SF3B3: variants seen among roughly 807,000 people sequenced by gnomAD.
The protein encoded by SF3B3 is SAP 130.
In SF3B3, 33 loss-of-function variants were observed where a neutral mutation model predicts 139.2. The ratio of observed to expected loss-of-function variants is 0.24; its 90% CI spans 0.18 to 0.32. The LOEUF (loss-of-function observed/expected upper bound fraction) is 0.32. SF3B3 is among the 10% of genes least tolerant of loss of function. SF3B3 has a pLI of 1.00. For synonymous variants in SF3B3, 596 were observed against 563.6 expected (o/e 1.06, Z -0.81); for missense variants, 818 against 1,509.4 (o/e 0.54, Z 7.59).
At chr16:70,530,179 A>G (rs2050107561) in intron 3 of SF3B3, among the ~76,000 whole-genome samples, 1 of 148,940 alleles carries the variant, frequency 6.7e-6, no homozygotes, top group African/African-American at 2.5e-5. Flanking sequence ...AATAAGAGAG[A>G]GATGGGGATC....
intron 6 of SF3B3, among the ~76,000 whole-genome samples, chr16:70,537,741 A>G (rs2050181659): frequency 6.6e-6 from 1 of 152,338 alleles, no homozygotes; most frequent in South Asian, 2.1e-4. Context: ...CTTGCAGAGC[A>G]GAGCTTACTC....
intron 24 of SF3B3, 129 bp from the exon 25 acceptor site, chr16:70,570,966 A>G: frequency 2.8e-6 from 2 of 719,014 alleles, no homozygotes; most frequent in Admixed American, 4.1e-5. Flanking sequence ...TGATTATCAG[A>G]AAGTGATTAG....
chr16:70,526,492 T>A, intron 1 of SF3B3, 95 bp from the exon 2 acceptor site: 1 of 596,920 alleles, frequency 1.7e-6, no homozygotes, highest in Non-Finnish European at 3.0e-6. Context: ...GGGCTTGCTC[T>A]GCTGGTTCTG....
At chr16:70,554,371 A>G in intron 11 of SF3B3, 75 bp from the exon 12 acceptor site, 1 of 1,432,606 alleles carries the variant, frequency 7.0e-7, no homozygotes, top group Non-Finnish European at 9.7e-7. Flanking sequence ...TTCTGAAGAG[A>G]ACTCTTAGTG....
chr16:70,569,149 T>A lies in SF3B3; in HGVS notation c.3264+8T>A, dbSNP rs747599296. 1.2e-5 allele frequency: 19 copies of A among 1,593,198 alleles called. No homozygotes were observed. The highest frequency in any genetic ancestry group is 1.5e-5 in the Non-Finnish European group (18 of 1,164,758). ...AATGGGGCCTCCCAGAAGGTAAGAT[T>A]GCAGAATGGGCCCCAGGGAGAACAC... On this transcript the variant is annotated splice_region_variant and intron_variant, in intron 23 of 25. Coordinates refer to ENST00000302516, the MANE Select transcript of SF3B3 (RefSeq NM_012426.5).
At chr16:70,554,698 C>T (rs1252044383) in intron 12 of SF3B3, 101 bp downstream of exon 12, 7 of 1,233,212 alleles carry the variant, frequency 5.7e-6, no homozygotes, top group Non-Finnish European at 6.9e-6. Flanking sequence ...CCTCACCTTC[C>T]AGCAAGCCTT....
In SF3B3 at chr16:70,574,128, A is replaced by T. The variant is rs1174024229; in HGVS notation, c.*2315A>T. The T allele has an allele frequency of 6.6e-6, 1 of 152,132 alleles. No individual in the cohort carries two copies. Among genetic ancestry groups the T allele is most frequent in the Non-Finnish European group, 1.5e-5 (1 of 68,022 alleles). The allele number at this position is 152,132 out of a possible 1,614,324, so 9.4% of individuals were successfully genotyped here. On this transcript the variant is annotated 3_prime_UTR_variant, in exon 26 of 26. Transcript: ENST00000302516. Reference sequence around the variant, plus strand: ...AGAGGAAAGCCAGAAAGGCATTCAGATGGGATCAGTCTGGCTTTCAAATTT... The same window carrying T: ...AGAGGAAAGCCAGAAAGGCATTCAGTTGGGATCAGTCTGGCTTTCAAATTT...
chr16:70,565,772 C>T lies in SF3B3; in HGVS notation c.2826+248C>T, dbSNP rs1315609835. 13 of 427,676 alleles carry T rather than the reference C, an allele frequency of 3.0e-5. No homozygotes were observed. In the South Asian group the frequency reaches 4.1e-4, roughly 14 times the overall value. 26.5% of individuals were successfully genotyped at this position (427,676 alleles called of 1,614,324 possible). ...GCACATTCAATTGGTCTCTTTCTTA[C>T]TGTTTTAATAAGCAGGCAACAATTT... On this transcript the variant is annotated intron_variant, in intron 20 of 25. Coordinates refer to ENST00000302516, the MANE Select transcript of SF3B3 (RefSeq NM_012426.5).
Position 70,571,835 on chromosome 16 carries a change from T to C in SF3B3, c.*22T>C. ...CTGAGCCCTCCTTTCCCGGTGGGGC[T>C]TGCCAGAGACTGTGTGTTTTGTTTC... On this transcript the variant is annotated 3_prime_UTR_variant, in exon 26 of 26. Coordinates refer to ENST00000302516, the MANE Select transcript of SF3B3 (RefSeq NM_012426.5). 1 of 1,602,584 alleles carries C rather than the reference T, an allele frequency of 6.2e-7. No homozygotes were observed. Among genetic ancestry groups the C allele is most frequent in the Non-Finnish European group, 8.5e-7 (1 of 1,175,750 alleles).
At chr16:70,567,217 A>G (rs2050485220) in intron 20 of SF3B3, among the ~76,000 whole-genome samples, 194 bp from the exon 21 acceptor site, 1 of 152,210 alleles carries the variant, frequency 6.6e-6, no homozygotes, top group Non-Finnish European at 1.5e-5. Flanking sequence ...CAGTTACAGC[A>G]TTGATCCCTC....
intron 23 of SF3B3, among the ~76,000 whole-genome samples, chr16:70,569,410 C>G (rs2151795694): frequency 6.6e-6 from 1 of 152,266 alleles, no homozygotes; most frequent in Non-Finnish European, 1.5e-5. Context: ...TAGAGCATCT[C>G]TGGACTTTCG....
At chr16:70,524,143 A>C in intron 1 of SF3B3, 1 of 333,258 alleles carries the variant, frequency 3.0e-6, no homozygotes, top group Non-Finnish European at 5.4e-6. Flanking sequence ...TCTATCTCAA[A>C]ATAGGGCTCG....
intron 9 of SF3B3, among the ~76,000 whole-genome samples, chr16:70,543,855 T>A (rs1241230416): frequency 6.6e-6 from 1 of 152,042 alleles, no homozygotes; most frequent in Non-Finnish European, 1.5e-5. Flanking sequence ...TGTGTTTTTT[T>A]TTTTAATTTT....
chr16:70,531,677 A>G (rs2050122895), intron 4 of SF3B3, among the ~76,000 whole-genome samples: 2 of 152,244 alleles, frequency 1.3e-5, no homozygotes, highest in African/African-American at 4.8e-5. Flanking sequence ...CAACTATTTA[A>G]TAGTCTTTCT....
At chr16:70,555,001 G>C (rs371916635) in intron 12 of SF3B3, 50 bp from the exon 13 acceptor site, 323 of 1,574,018 alleles carry the variant, frequency 2.1e-4, no homozygotes, top group Admixed American at 5.6e-4. Context: ...GTCATTCTGA[G>C]TGATGAATCA....
At chr16:70,551,278 T>C (rs2050322490) in intron 11 of SF3B3, among the ~76,000 whole-genome samples, 1 of 152,208 alleles carries the variant, frequency 6.6e-6, no homozygotes, top group East Asian at 1.9e-4. Flanking sequence ...CATACCCTTA[T>C]GGATTCTTCA....
At chr16:70,540,754 G>T (rs1190017020) in intron 8 of SF3B3, among the ~76,000 whole-genome samples, 4 of 151,922 alleles carry the variant, frequency 2.6e-5, no homozygotes, top group South Asian at 2.1e-4. Context: ...GAAAGAAAAA[G>T]ATTCATGTTT....
chr16:70,523,859 TTGG>T lies in SF3B3; in HGVS notation c.-133_-131del. ...AATGGCGGACGCCAGTATGTTGGAGTTGGTGGTGGCTTAAGTTTTGAAGGGAGG... is the reference window on the plus strand; with the variant it reads ...AATGGCGGACGCCAGTATGTTGGAGTTGGTGGCTTAAGTTTTGAAGGGAGG... On this transcript the variant is annotated 5_prime_UTR_variant, in exon 1 of 26. Coordinates refer to ENST00000302516, the MANE Select transcript of SF3B3 (RefSeq NM_012426.5). 2.0e-6 allele frequency: 1 copy of T among 506,378 alleles called. No individual in the cohort carries two copies. Among genetic ancestry groups the T allele is most frequent in the Non-Finnish European group, 3.5e-6 (1 of 288,954 alleles). 31.4% of individuals were successfully genotyped at this position (506,378 alleles called of 1,614,324 possible).
At chr16:70,548,164 A>G (rs78600190) in intron 10 of SF3B3, among the ~76,000 whole-genome samples, 4,849 of 152,288 alleles carry the variant, frequency 0.032, 289 homozygotes, top group African/African-American at 0.11. Context: ...GACATCCTGT[A>G]ACTTTTGCTT....
Sources: gnomAD v4.1 joint callset for allele counts (sites outside exome capture counted in the v4.1 genomes callset) on GRCh38, gnomAD v4.1.1 for gene constraint, MANE v1.5 for transcripts, NCBI Gene and HGNC (gene_info 2026-07-23, HGNC 2026-07-21) for gene names.